Variants in PHIP observed in about 807,000 individuals in gnomAD.
PHIP encodes the protein PHIP subunit of CUL4-Ring ligase complex.
In PHIP, 54 loss-of-function variants were observed where a neutral mutation model predicts 236.8. The ratio of observed to expected loss-of-function variants is 0.23; its 90% CI spans 0.18 to 0.29. PHIP has a LOEUF of 0.29. Among genes scored for constraint, PHIP ranks in the 10% least tolerant of loss-of-function variants. PHIP has a pLI of 1.00. For synonymous variants in PHIP, 756 were observed against 718.9 expected, an observed-to-expected ratio of 1.05 and a Z score of -0.83; for missense variants, 1,370 against 2,190.8, an observed-to-expected ratio of 0.63 and a Z score of 7.48.
intron 4 of PHIP, among the ~76,000 whole-genome samples, chr6:79,071,878 A>C (rs1233841975): frequency 1.3e-5 from 2 of 152,020 alleles, no homozygotes; most frequent in East Asian, 3.8e-4. Flanking sequence ...GTTTTAACTT[A>C]AGCTGAAGCT....
At chr6:79,073,151 A>C (rs760232582) in intron 4 of PHIP, among the ~76,000 whole-genome samples, 1 of 152,206 alleles carries the variant, frequency 6.6e-6, no homozygotes, top group Non-Finnish European at 1.5e-5. Context: ...AAGAATATTA[A>C]CAATATAGTA....
At chr6:78,971,245 A>G (rs1767527162) in intron 24 of PHIP, among the ~76,000 whole-genome samples, 1 of 152,214 alleles carries the variant, frequency 6.6e-6, no homozygotes, top group South Asian at 2.1e-4. Flanking sequence ...GTTTGTACAT[A>G]TGCAGAAAAC....
chr6:78,946,169 T>G lies in PHIP; in HGVS notation c.4462A>C (p.Arg1488=), dbSNP rs1773802598. The change falls in exon 38 of 40, where the codon AGA becomes CGA. Residue 1488 remains arginine, a synonymous_variant. Coordinates refer to ENST00000275034, the MANE Select transcript of PHIP (RefSeq NM_017934.7). ...CCGTTTATCTGAGCAGCATTGTGTC[T>G]TGGCGGTATTGATCGTGTAGGTGTA... ...FSTPTRSIPP[R]HNAAQINGKT... 1 of 1,613,964 alleles carries G rather than the reference T, an allele frequency of 6.2e-7. No individual in the cohort carries two copies. The highest frequency in any genetic ancestry group is 8.5e-7 in the Non-Finnish European group (1 of 1,179,952).
intron 27 of PHIP, 43 bp downstream of exon 27, chr6:78,969,792 A>G (rs1411067721): frequency 1.1e-6 from 1 of 941,828 alleles, no homozygotes; most frequent in Non-Finnish European, 1.6e-6. Context: ...CTAAGAAAAA[A>G]AAACCACATC....
chr6:79,042,941 C>T lies in PHIP; in HGVS notation c.502G>A (p.Ala168Thr). Residue 168 changes from alanine to threonine, a missense_variant, in exon 7 of 40, where the codon GCA becomes ACA. Physicochemically the swap from Ala to Thr is moderately conservative, Grantham distance 58. Transcript: ENST00000275034. Reference protein sequence around the residue: ...KYRLERLVPTAVYQHMKMHKR... With the variant: ...KYRLERLVPTTVYQHMKMHKR... ...TGCATTTTCATGTGCTGATACACTG[C>T]AGTTGGAACAAGTCGCTCAAGTCTG... The T allele has an allele frequency of 6.2e-7, 1 of 1,611,894 alleles. No homozygotes were observed.
chr6:79,026,069 A>G lies in PHIP; in HGVS notation c.696T>C (p.Ala232=), dbSNP rs371903165. Residue 232 remains alanine, a synonymous_variant, in exon 8 of 40, where the codon GCT becomes GCC. Coordinates refer to ENST00000275034, the MANE Select transcript of PHIP (RefSeq NM_017934.7). ...CTATCATGGTATTCTCATAGTTTAC[A>G]GCCATGTCTGATATTTCAGCAGCAT... ...RGHAAEISDM[A]VNYENTMIAA... 3.5e-5 allele frequency: 56 copies of G among 1,613,864 alleles called. No individual in the cohort carries two copies. The highest frequency in any genetic ancestry group is 8.0e-5 in the African/African-American group (6 of 74,916).
chr6:78,969,448 G>T (rs367702120), intron 27 of PHIP, among the ~76,000 whole-genome samples: 1 of 152,108 alleles, frequency 6.6e-6, no homozygotes, highest in African/African-American at 2.4e-5. Flanking sequence ...TAATTTTAAA[G>T]ATTATAATAG....
Position 79,019,099 on chromosome 6 carries a change from A to G in PHIP, c.984T>C (p.Ser328=), listed in dbSNP as rs1770983166. 6.2e-7 allele frequency: 1 copy of G among 1,612,094 alleles called. No homozygotes were observed. The highest frequency in any genetic ancestry group is 1.3e-5 in the African/African-American group (1 of 75,020). Reference sequence around the variant, plus strand: ...ATGAGGGAAACTTACCAGCACTAAAAGAAGAACAGATCATTTGAACTCCAG... The same window carrying G: ...ATGAGGGAAACTTACCAGCACTAAAGGAAGAACAGATCATTTGAACTCCAG... ...PRPGVQMICS[S]FSAGGMFLAT... The change falls in exon 10 of 40, where the codon TCT becomes TCC. Residue 328 remains serine, a synonymous_variant. Coordinates refer to ENST00000275034, the MANE Select transcript of PHIP (RefSeq NM_017934.7).
intron 21 of PHIP, among the ~76,000 whole-genome samples, chr6:78,986,647 C>T (rs960627401): frequency 6.6e-6 from 1 of 152,086 alleles, no homozygotes; most frequent in Non-Finnish European, 1.5e-5. Context: ...ACTTGCTGGG[C>T]ATATTCAGAT....
chr6:78,998,200 T>C (rs1769751764), intron 18 of PHIP, 54 bp downstream of exon 18: 1 of 1,432,720 alleles, frequency 7.0e-7, no homozygotes, highest in South Asian at 1.2e-5. Context: ...CTGTGGGAGA[T>C]TTAGGCTGTT....
intron 6 of PHIP, among the ~76,000 whole-genome samples, chr6:79,045,525 TAAA>T (rs1283056896): frequency 6.6e-6 from 1 of 152,182 alleles, no homozygotes; most frequent in African/African-American, 2.4e-5. Context: ...CCTTTTAAAT[TAAA>T]AAAGTATATA....
At chr6:78,989,444 G>C (rs998517698) in intron 20 of PHIP, among the ~76,000 whole-genome samples, 2 of 151,894 alleles carry the variant, frequency 1.3e-5, no homozygotes, top group African/African-American at 4.8e-5. Flanking sequence ...ACAAAAAAGA[G>C]AATCACATCC....
chr6:79,017,645 G>T, intron 10 of PHIP, 62 bp from the exon 11 acceptor site: 1 of 1,232,148 alleles, frequency 8.1e-7, no homozygotes, highest in Non-Finnish European at 1.2e-6. Flanking sequence ...CTGAAAATTA[G>T]ATAATAAAAT....
intron 19 of PHIP, among the ~76,000 whole-genome samples, chr6:78,994,233 T>C (rs548754436): frequency 3.5e-4 from 54 of 152,228 alleles, no homozygotes; most frequent in Admixed American, 1.9e-3. Flanking sequence ...GAGGCTACTC[T>C]AGTGAATATG....
chr6:79,032,044 G>C (rs1771696482), intron 7 of PHIP, among the ~76,000 whole-genome samples: 1 of 152,212 alleles, frequency 6.6e-6, no homozygotes. Context: ...CCAAGTGCAT[G>C]TAAGAGTTAC....
rs181777007 is a variant in PHIP, at chr6:78,943,481, G to A, written c.4828+1819C>T. Among the ~76,000 whole-genome samples, 196 of 152,282 alleles carry A rather than the reference G, an allele frequency of 1.3e-3. 2 individuals carry two copies. Among genetic ancestry groups the A allele is most frequent in the South Asian group, 0.012 (57 of 4,826 alleles). On this transcript the variant is annotated intron_variant, in intron 39 of 39. Transcript: ENST00000275034. Reference sequence around the variant, plus strand: ...CTATTCAAACTCTAAATTCAGTTCAGAAAGGGGGCAGATTATTAAAAATGT... The same window carrying A: ...CTATTCAAACTCTAAATTCAGTTCAAAAAGGGGGCAGATTATTAAAAATGT...
At chr6:78,941,457 G>A in intron 39 of PHIP, 127 bp from the exon 40 acceptor site, 2 of 569,208 alleles carry the variant, frequency 3.5e-6, no homozygotes, top group Non-Finnish European at 5.9e-6. Flanking sequence ...TTATTAAAAT[G>A]AGAAAAAAGA....
chr6:78,958,486 T>C lies in PHIP; in HGVS notation c.3771A>G (p.Leu1257=). Residue 1257 remains leucine, a synonymous_variant, in exon 32 of 40, where the codon CTA becomes CTG. Transcript: ENST00000275034. The part of the protein sequence containing the change: ...KSAKFVTDLL[L]HFIKDQTCYN... ...AAAAGATAACTTACTTTATAAAATG[T>C]AGAAGAAGATCAGTCACGAATTTAG... 6.6e-7 allele frequency: 1 copy of C among 1,525,560 alleles called. No homozygotes were observed. The highest frequency in any genetic ancestry group is 9.1e-7 in the Non-Finnish European group (1 of 1,101,606). 94.5% of individuals were successfully genotyped at this position (1,525,560 alleles called of 1,614,324 possible).
At chr6:78,994,039 C>T (rs1285231222) in intron 19 of PHIP, among the ~76,000 whole-genome samples, 2 of 152,120 alleles carry the variant, frequency 1.3e-5, no homozygotes, top group Admixed American at 6.5e-5. Flanking sequence ...TGATTCCAAC[C>T]CTCATAGATG....
Sources: allele counts gnomAD v4.1 joint callset (sites outside exome capture counted in the v4.1 genomes callset), GRCh38; gene constraint gnomAD v4.1.1; transcripts MANE v1.5; gene names NCBI Gene and HGNC (gene_info 2026-07-23, HGNC 2026-07-21).